Variants in ECHDC2 observed in about 807,000 individuals in gnomAD.
ECHDC2 encodes enoyl-CoA hydratase domain-containing protein 2, mitochondrial.
In ECHDC2, 34 loss-of-function variants were observed where a neutral mutation model predicts 40.6. The ratio of observed to expected loss-of-function variants is 0.84; its 90% CI spans 0.64 to 1.11. ECHDC2 has a LOEUF of 1.11. Ranked by LOEUF, ECHDC2 falls within the 50% of genes most tolerant of loss-of-function variation. The probability of loss-of-function intolerance (pLI) is 0.00; values close to 1 mark genes in which losing one functional copy is unlikely to be tolerated. For synonymous variants in ECHDC2, 162 were observed against 166.6 expected (o/e 0.97, Z 0.21); for missense variants, 392 against 400.7 (o/e 0.98, Z 0.19).
chr1:52,908,248 G>A (rs1648460164), intron 3 of ECHDC2, among the ~76,000 whole-genome samples: 2 of 152,078 alleles, frequency 1.3e-5, no homozygotes, highest in South Asian at 2.1e-4. Flanking sequence ...AGTGGCTCAC[G>A]CTTGCAATCT....
At chr1:52,911,999 G>A in intron 1 of ECHDC2, 5 of 1,425,794 alleles carry the variant, frequency 3.5e-6, no homozygotes, top group South Asian at 1.5e-5. Context: ...CTGCCTCAGA[G>A]AGAAAGTGGA....
intron 2 of ECHDC2, 34 bp downstream of exon 2, chr1:52,911,689 T>A: frequency 4.3e-6 from 7 of 1,614,106 alleles, no homozygotes; most frequent in Non-Finnish European, 5.9e-6. Context: ...TGCCAGCCCA[T>A]CCCCAGCCCA....
intron 3 of ECHDC2, among the ~76,000 whole-genome samples, chr1:52,910,557 C>T (rs767648028): frequency 2.6e-5 from 4 of 151,640 alleles, no homozygotes; most frequent in South Asian, 2.1e-4. Context: ...TTAGTAGAGA[C>T]GCGGTTTCAC....
intron 4 of ECHDC2, 82 bp from the exon 5 acceptor site, chr1:52,906,693 G>C (rs1647939203): frequency 8.4e-7 from 1 of 1,185,548 alleles, no homozygotes; most frequent in Non-Finnish European, 1.2e-6. Flanking sequence ...GGGCAAGCTG[G>C]TTGGGACAGA....
intron 1 of ECHDC2, among the ~76,000 whole-genome samples, chr1:52,916,560 T>C (rs2150069906): frequency 1.3e-5 from 2 of 152,126 alleles, no homozygotes; most frequent in Admixed American, 1.3e-4. Context: ...CTAACCAGAG[T>C]TTGTGTAAAA....
intron 8 of ECHDC2, chr1:52,898,962 G>A: frequency 1.6e-6 from 1 of 637,762 alleles, no homozygotes; most frequent in Non-Finnish European, 2.8e-6. Flanking sequence ...TCTCTCCAAG[G>A]GAGAAAGATG....
intron 7 of ECHDC2, among the ~76,000 whole-genome samples, chr1:52,902,606 T>C (rs1647057194): frequency 6.6e-6 from 1 of 152,270 alleles, no homozygotes; most frequent in Admixed American, 6.5e-5. Flanking sequence ...GTTACTTTTA[T>C]ATGATTAATT....
At chr1:52,899,121 C>T in intron 8 of ECHDC2, 53 bp downstream of exon 8, 2 of 1,589,982 alleles carry the variant, frequency 1.3e-6, no homozygotes, top group Non-Finnish European at 1.7e-6. Context: ...AGCACTGTGT[C>T]CCAGCCGCGA....
intron 3 of ECHDC2, among the ~76,000 whole-genome samples, chr1:52,908,655 C>T (rs578191992): frequency 1.3e-5 from 2 of 150,784 alleles, no homozygotes; most frequent in Admixed American, 6.6e-5. Context: ...GGCAAAGGGC[C>T]AGGCGCAGTG....
At chr1:52,908,929 C>CAAAAAAAA (rs34090739) in intron 3 of ECHDC2, among the ~76,000 whole-genome samples, 4 of 43,846 alleles carry the variant, frequency 9.1e-5, no homozygotes, top group Non-Finnish European at 2.1e-4. Flanking sequence ...GACAGAGTCT[C>CAAAAAAAA]AAAAAAAAAA....
At chr1:52,912,168 C>A in intron 1 of ECHDC2, 102 of 367,834 alleles carry the variant, frequency 2.8e-4, no homozygotes, top group Non-Finnish European at 3.5e-4. Context: ...CCTCCATATT[C>A]ATCTTTTTTT....
chr1:52,916,652 G>A (rs1571998021), intron 1 of ECHDC2, among the ~76,000 whole-genome samples: 1 of 152,208 alleles, frequency 6.6e-6, no homozygotes, highest in Admixed American at 6.5e-5. Flanking sequence ...CAGGCAGGGT[G>A]TCTTTGGCTG....
intron 4 of ECHDC2, 119 bp from the exon 5 acceptor site, chr1:52,906,730 C>A: frequency 1.6e-4 from 89 of 559,752 alleles, no homozygotes; most frequent in Non-Finnish European, 2.0e-4. Flanking sequence ...GGTCTGGGGA[C>A]ATTACATGGA....
At chr1:52,921,243 C>T (rs908033492) in intron 1 of ECHDC2, among the ~76,000 whole-genome samples, 6 of 152,192 alleles carry the variant, frequency 3.9e-5, no homozygotes, top group Non-Finnish European at 7.4e-5. Context: ...TTAAACGCTC[C>T]TGGCCTGGGG....
intron 1 of ECHDC2, chr1:52,913,995 C>G (rs755830935): frequency 1.7e-4 from 201 of 1,215,518 alleles, no homozygotes; most frequent in Non-Finnish European, 2.1e-4. Flanking sequence ...TTCATTCACT[C>G]ATTTGTACAT....
At chr1:52,911,122 G>A (rs898019561) in intron 3 of ECHDC2, among the ~76,000 whole-genome samples, 3 of 152,060 alleles carry the variant, frequency 2.0e-5, no homozygotes, top group African/African-American at 7.2e-5. Flanking sequence ...GACTACAGGT[G>A]CCTGCCACCA....
At chr1:52,917,636 CATTA>C in intron 1 of ECHDC2, 1 of 456,028 alleles carries the variant, frequency 2.2e-6, no homozygotes. Context: ...GAAGGACAGC[CATTA>C]ATTACAGTCA....
chr1:52,900,682 G>C (rs922584607), intron 7 of ECHDC2: 4 of 152,180 alleles, frequency 2.6e-5, no homozygotes, highest in African/African-American at 9.7e-5. Context: ...GGCTGTTTGG[G>C]TTTGCTTGTG....
chr1:52,901,457 GTATTTAC>G (rs1646991416), intron 7 of ECHDC2: 2 of 152,176 alleles, frequency 1.3e-5, no homozygotes, highest in African/African-American at 4.8e-5. Flanking sequence ...AGTGTAATGT[GTATTTAC>G]TATTTAAGAA....
Sources: gnomAD v4.1 joint callset for allele counts (sites outside exome capture counted in the v4.1 genomes callset) on GRCh38, gnomAD v4.1.1 for gene constraint, MANE v1.5 for transcripts, NCBI Gene and HGNC (gene_info 2026-07-23, HGNC 2026-07-21) for gene names.